Variants in SASH3 observed in about 807,000 individuals in gnomAD.
SASH3 encodes SAM and SH3 domain containing 3.
In SASH3, 7 loss-of-function variants were observed where a neutral mutation model predicts 26.1. The ratio of observed to expected loss-of-function variants is 0.27; its 90% confidence interval spans 0.15 to 0.50. SASH3 has a LOEUF of 0.50. Ranked by LOEUF, SASH3 falls within the 20% of genes least tolerant of loss-of-function variation. SASH3 has a pLI of 0.98. For synonymous variants in SASH3, 138 were observed against 136.8 expected, an observed-to-expected ratio of 1.01 and a Z score of -0.06; for missense variants, 231 against 318.3, an observed-to-expected ratio of 0.73 and a Z score of 2.09.
chrX:129,781,045 C>A (rs976601464), intron 1 of SASH3, among the ~76,000 whole-genome samples: 2 of 112,065 alleles, frequency 1.8e-5, no homozygotes, highest in African/African-American at 6.5e-5. Context: ...AGACCTAATT[C>A]TTTAATTCAA....
rs1927253107 is a variant in SASH3, at chrX:129,792,688, A to G, written c.653A>G (p.Asn218Ser). 15 of 1,211,198 alleles carry G rather than the reference A, an allele frequency of 1.2e-5. No homozygotes were observed. Among genetic ancestry groups the G allele is most frequent in the South Asian group, 1.8e-5 (1 of 57,007 alleles). ...PPVGTWLGLLNGKVGSFKFIY... is the reference protein window; with the variant it reads ...PPVGTWLGLLSGKVGSFKFIY... Reference sequence around the variant, plus strand: ...GTGGGCACGTGGCTGGGCCTACTCAATGGCAAGGTGGGCTCTTTCAAATTC... The same window carrying G: ...GTGGGCACGTGGCTGGGCCTACTCAGTGGCAAGGTGGGCTCTTTCAAATTC... Residue 218 changes from asparagine to serine, a missense_variant, in exon 6 of 8, where the codon AAT (asparagine) becomes AGT (serine). Transcript: ENST00000356892.
In SASH3 at chrX:129,788,495, G is replaced by A; in HGVS notation, c.218G>A (p.Gly73Glu). ...GCTGGGAAGAGTGGCAAAAAGCTGG[G>A]GAAGAAGTGGAGGGCAGTGATTTCC... ...EDAGKSGKKL[G>E]KKWRAVISRT... The change falls in exon 3 of 8, where the codon GGG (glycine) becomes GAG (glutamate). Residue 73 changes from glycine to glutamate, a missense_variant. Transcript: ENST00000356892. 8.3e-7 allele frequency: 1 copy of A among 1,211,544 alleles called. No individual in the cohort carries two copies. The highest frequency in any genetic ancestry group is 1.1e-6 in the Non-Finnish European group (1 of 895,171).
At chrX:129,787,319 T>C (rs1264207495) in intron 1 of SASH3, among the ~76,000 whole-genome samples, 1 of 112,040 alleles carries the variant, frequency 8.9e-6, no homozygotes, top group Non-Finnish European at 1.9e-5. Flanking sequence ...GAAAATGGTG[T>C]CTTTCTTCTA....
rs766300768 is a variant in SASH3 at position 129,779,995 on chromosome X, G to A, written c.-103G>A. 251 of 818,580 alleles carry A rather than the reference G, an allele frequency of 3.1e-4. No homozygotes were observed. In the African/African-American group the frequency reaches 4.5e-3, roughly 15 times the overall value. The allele number at this position is 818,580 out of a possible 1,213,427, so 67.5% of individuals were successfully genotyped here. A position where few individuals can be genotyped will look rare whatever the true frequency, so the allele number is the denominator to read the frequency against. On this transcript the variant is annotated 5_prime_UTR_variant, in exon 1 of 8. Transcript: ENST00000356892. ...CAGTCAGAGTGGCAGCTGAAGGCTC[G>A]GTTCATGCCGTGCCCCCGGGCAGTT...
chrX:129,780,353 G>A (rs1172049099), intron 1 of SASH3, among the ~76,000 whole-genome samples, 199 bp downstream of exon 1: 2 of 111,081 alleles, frequency 1.8e-5, no homozygotes, highest in African/African-American at 6.6e-5. Context: ...TGGAGCAACA[G>A]AGTTACAGAA....
chrX:129,789,533 A>G (rs1007007178), intron 3 of SASH3, among the ~76,000 whole-genome samples: 1 of 111,478 alleles, frequency 9.0e-6, no homozygotes, highest in Admixed American at 9.5e-5. Flanking sequence ...GATACTCGGG[A>G]GGCTAAGGCA....
chrX:129,788,636 G>T (rs1205843887), intron 3 of SASH3, 59 bp downstream of exon 3: 8 of 1,122,075 alleles, frequency 7.1e-6, no homozygotes, highest in Non-Finnish European at 9.7e-6. Flanking sequence ...CGCTCTGGCA[G>T]AATGTGAGCA....
rs1927257022 is a variant in SASH3 at position 129,792,851 on chromosome X, C to CTCACTAG, written c.801+17_801+23dup. ...TCGGCCTGGAGGTTTGAGCTTGGTCCTCACTAGTATCTAGTATCAGGGAGG... is the reference window on the plus strand; with the variant it reads ...TCGGCCTGGAGGTTTGAGCTTGGTCCTCACTAGTCACTAGTATCTAGTATCAGGGAGG... On this transcript the variant is annotated intron_variant, in intron 6 of 7. Transcript: ENST00000356892. 8.5e-7 allele frequency: 1 copy of CTCACTAG among 1,176,671 alleles called. No individual in the cohort carries two copies. The highest frequency in any genetic ancestry group is 1.9e-5 in the African/African-American group (1 of 53,536).
rs932510232 is a variant in SASH3 at position 129,785,683 on chromosome X, C to T, written c.58-2292C>T. The stretch of plus-strand genomic sequence containing the variant: ...ACTCTTCCCCAACAAAGCCGACTTC[C>T]GGCCCCATGCCTGCCCTCCTGCTTG... On this transcript the variant is annotated intron_variant, in intron 1 of 7. Coordinates refer to ENST00000356892, the MANE Select transcript of SASH3 (RefSeq NM_018990.4). Among the ~76,000 whole-genome samples the T allele has an allele frequency of 5.3e-5, 6 of 112,397 alleles. No individual in the cohort carries two copies. The East Asian group carries it at 1.1e-3, about 21-fold the overall frequency.
chrX:129,790,280 T>C (rs188422096), intron 3 of SASH3, among the ~76,000 whole-genome samples: 7 of 110,613 alleles, frequency 6.3e-5, no homozygotes, highest in Non-Finnish European at 1.3e-4. Context: ...TAGCTTGACA[T>C]TGGCCGTGGA....
intron 4 of SASH3, 64 bp from the exon 5 acceptor site, chrX:129,792,264 G>A: frequency 8.8e-7 from 1 of 1,135,456 alleles, no homozygotes; most frequent in Admixed American, 2.7e-5. Context: ...GAAGGCACCT[G>A]CTAGGCACTG....
intron 1 of SASH3, 70 bp downstream of exon 1, chrX:129,780,224 T>C: frequency 9.7e-7 from 1 of 1,036,034 alleles, no homozygotes; most frequent in Non-Finnish European, 1.3e-6. Flanking sequence ...CCAAGACTCT[T>C]GGAAGTGGGA....
At chrX:129,785,856 C>A (rs1333040203) in intron 1 of SASH3, among the ~76,000 whole-genome samples, 2 of 112,605 alleles carry the variant, frequency 1.8e-5, no homozygotes, top group African/African-American at 6.5e-5. Flanking sequence ...TGGGCCCAGG[C>A]CAGCCCGATG....
At chrX:129,785,836 C>T (rs1927098257) in intron 1 of SASH3, among the ~76,000 whole-genome samples, 1 of 112,533 alleles carries the variant, frequency 8.9e-6, no homozygotes, top group African/African-American at 3.2e-5. Flanking sequence ...GCAGCCCAGC[C>T]TGCCCTCCTT....
chrX:129,790,454 G>A (rs1927210947), intron 3 of SASH3, among the ~76,000 whole-genome samples: 1 of 109,284 alleles, frequency 9.2e-6, no homozygotes, highest in Non-Finnish European at 1.9e-5. Flanking sequence ...GTTTACAGAT[G>A]AGGAGTAAGT....
At position 129,782,604 on chromosome X, in the gene SASH3, G is replaced by A. The variant is rs780397690; in HGVS notation, c.57+2450G>A. On this transcript the variant is annotated intron_variant, in intron 1 of 7. Coordinates refer to ENST00000356892, the MANE Select transcript of SASH3 (RefSeq NM_018990.4). ...GCTGCCGAGCAGGGATCCAAGCCAA[G>A]ATTTGTCTGACTCCAGAATCTTGAC... Among the ~76,000 whole-genome samples the A allele has an allele frequency of 3.6e-5, 4 of 112,378 alleles. No homozygotes were observed. The East Asian group carries it at 8.4e-4, about 24-fold the overall frequency.
rs745448478 is a variant in SASH3, at chrX:129,780,225, G to T, written c.57+71G>T. 332 of 1,012,325 alleles carry T rather than the reference G, an allele frequency of 3.3e-4. No individual in the cohort carries two copies. In the African/African-American group the frequency reaches 5.2e-3, roughly 16 times the overall value. 83.4% of individuals were successfully genotyped at this position (1,012,325 alleles called of 1,213,427 possible). On this transcript the variant is annotated intron_variant, in intron 1 of 7. Coordinates refer to ENST00000356892, the MANE Select transcript of SASH3 (RefSeq NM_018990.4). ...TCGACCCATCCCTTCCAAGACTCTTGGAAGTGGGAAGAGCCAAAGGCCATA... is the reference window on the plus strand; with the variant it reads ...TCGACCCATCCCTTCCAAGACTCTTTGAAGTGGGAAGAGCCAAAGGCCATA...
In SASH3 at chrX:129,792,977, C is replaced by A. The variant is rs780528429; in HGVS notation, c.802-12C>A. The A allele has an allele frequency of 1.6e-5, 19 of 1,211,330 alleles. No individual in the cohort carries two copies. The Admixed American group carries it at 2.2e-4, about 14-fold the overall frequency. The stretch of plus-strand genomic sequence containing the variant: ...GTAAGCAGCTGTGCCGATGGCCTGC[C>A]TCTGCCTACAGGAGCACACATCCAC... On this transcript the variant is annotated splice_polypyrimidine_tract_variant and intron_variant, in intron 6 of 7. Transcript: ENST00000356892.
chrX:129,783,117 T>A (rs1442801746), intron 1 of SASH3, among the ~76,000 whole-genome samples: 1 of 111,571 alleles, frequency 9.0e-6, no homozygotes, highest in Non-Finnish European at 1.9e-5. Context: ...GTATTTTCAG[T>A]GGCTCCTCAC....
Sources: allele counts gnomAD v4.1 joint callset (sites outside exome capture counted in the v4.1 genomes callset), GRCh38; gene constraint gnomAD v4.1.1; transcripts MANE v1.5; gene names NCBI Gene and HGNC (gene_info 2026-07-23, HGNC 2026-07-21).